SDK1: variants seen among roughly 807,000 people sequenced by gnomAD.
SDK1 encodes the protein protein sidekick-1.
SDK1 carries 157 observed loss-of-function variants against 245.5 expected under a neutral mutation model. That is an observed-to-expected ratio of 0.64 (90% CI 0.56 to 0.73). SDK1 has a LOEUF of 0.73. Ranked by LOEUF, SDK1 falls within the 30% of genes least tolerant of loss-of-function variation. The probability of loss-of-function intolerance (pLI) is 0.00; values close to 1 mark genes in which losing one functional copy is unlikely to be tolerated. For missense variants in SDK1, 3,583 were observed against 3,002.3 expected (o/e 1.19, Z -4.52); for synonymous variants, 1,647 against 1,278.5 (o/e 1.29, Z -6.15).
At chr7:3,325,165 T>A (rs1247512221) in intron 1 of SDK1, among the ~76,000 whole-genome samples, 1 of 152,120 alleles carries the variant, frequency 6.6e-6, no homozygotes, top group Admixed American at 6.6e-5. Context: ...AAAACACAGA[T>A]TCTGATGTGG....
intron 4 of SDK1, among the ~76,000 whole-genome samples, chr7:3,712,322 A>T (rs1785073020): frequency 6.6e-6 from 1 of 152,140 alleles, no homozygotes; most frequent in Non-Finnish European, 1.5e-5. Context: ...TACTTATGAG[A>T]ATCTAATGCC....
chr7:3,446,983 G>T (rs1234988051), intron 1 of SDK1, among the ~76,000 whole-genome samples: 1 of 152,114 alleles, frequency 6.6e-6, no homozygotes, highest in Non-Finnish European at 1.5e-5. Flanking sequence ...CTGGAGATAC[G>T]ATGAAGCAAT....
intron 5 of SDK1, among the ~76,000 whole-genome samples, chr7:3,823,325 A>C (rs1034679896): frequency 6.6e-6 from 1 of 152,218 alleles, no homozygotes; most frequent in Non-Finnish European, 1.5e-5. Context: ...ACTCAATTGT[A>C]ATATAACTAC....
At chr7:3,586,461 G>A (rs1333377780) in intron 1 of SDK1, among the ~76,000 whole-genome samples, 1 of 151,928 alleles carries the variant, frequency 6.6e-6, no homozygotes, top group Non-Finnish European at 1.5e-5. Flanking sequence ...ACTTTGGGAG[G>A]CCGAGGTGGG....
At chr7:3,625,017 C>T (rs991512320) in intron 2 of SDK1, among the ~76,000 whole-genome samples, 2 of 152,044 alleles carry the variant, frequency 1.3e-5, no homozygotes, top group Admixed American at 6.6e-5. Flanking sequence ...CCAGCCTGGG[C>T]AACAAGAGCA....
intron 1 of SDK1, among the ~76,000 whole-genome samples, chr7:3,587,570 A>G (rs1780731530): frequency 6.6e-6 from 1 of 152,162 alleles, no homozygotes; most frequent in Non-Finnish European, 1.5e-5. Context: ...GGCAGTGTGA[A>G]TCCAACTTTC....
chr7:3,348,508 T>C (rs550067789), intron 1 of SDK1, among the ~76,000 whole-genome samples: 1 of 152,130 alleles, frequency 6.6e-6, no homozygotes, highest in East Asian at 1.9e-4. Flanking sequence ...CGAGTGCATA[T>C]GGACATAAAG....
intron 1 of SDK1, among the ~76,000 whole-genome samples, chr7:3,483,348 T>C (rs1406458672): frequency 6.6e-6 from 1 of 152,176 alleles, no homozygotes; most frequent in South Asian, 2.1e-4. Context: ...TTTCCATTTA[T>C]GTTGCTCTTT....
chr7:3,562,893 C>CAAATACTTAAATATGAAGAGAAGG (rs1193491387), intron 1 of SDK1, among the ~76,000 whole-genome samples: 2 of 152,312 alleles, frequency 1.3e-5, no homozygotes, highest in African/African-American at 2.4e-5. Context: ...TGAAGGGAAG[C>CAAATACTTAAATATGAAGAGAAGG]AAATACACGG....
At chr7:3,410,116 G>A (rs1370696629) in intron 1 of SDK1, among the ~76,000 whole-genome samples, 1 of 152,114 alleles carries the variant, frequency 6.6e-6, no homozygotes, top group African/African-American at 2.4e-5. Flanking sequence ...ATACTTAAGT[G>A]TTATCATAAT....
At chr7:3,340,472 A>T (rs961649794) in intron 1 of SDK1, among the ~76,000 whole-genome samples, 6 of 152,102 alleles carry the variant, frequency 3.9e-5, no homozygotes, top group Non-Finnish European at 7.4e-5. Context: ...AAGTAAAATT[A>T]AAAAAATTGG....
At chr7:3,344,506 T>C (rs79028983) in intron 1 of SDK1, among the ~76,000 whole-genome samples, 2,364 of 152,300 alleles carry the variant, frequency 0.016, 54 homozygotes, top group African/African-American at 0.048. Context: ...CTTATGTTGA[T>C]ATGGAAGCTT....
chr7:4,057,695 A>G (rs1779285236), intron 19 of SDK1, among the ~76,000 whole-genome samples: 1 of 152,188 alleles, frequency 6.6e-6, no homozygotes. Context: ...CTGGGGCCCA[A>G]GGATTGGCCC....
At chr7:3,929,886 C>G (rs1423744736) in intron 5 of SDK1, among the ~76,000 whole-genome samples, 3 of 152,196 alleles carry the variant, frequency 2.0e-5, no homozygotes, top group African/African-American at 7.2e-5. Context: ...CAGCATTGCT[C>G]AGCTTCTCTT....
chr7:3,382,120 AT>A (rs932920986), intron 1 of SDK1, among the ~76,000 whole-genome samples: 2 of 151,316 alleles, frequency 1.3e-5, no homozygotes, highest in Non-Finnish European at 2.9e-5. Context: ...TTTATTTTTT[AT>A]TTTTTTTCAA....
At chr7:3,539,004 A>C (rs762351452) in intron 1 of SDK1, among the ~76,000 whole-genome samples, 1 of 152,138 alleles carries the variant, frequency 6.6e-6, no homozygotes, top group Non-Finnish European at 1.5e-5. Flanking sequence ...GCAGTCACTA[A>C]CTAGTGTGGC....
chr7:3,996,784 A>C (rs2128142847), intron 14 of SDK1, among the ~76,000 whole-genome samples: 1 of 152,302 alleles, frequency 6.6e-6, no homozygotes, highest in Admixed American at 6.5e-5. Flanking sequence ...ATCTTTTCCA[A>C]ATAATACAAA....
chr7:3,617,962 G>A (rs1273785446), intron 1 of SDK1, among the ~76,000 whole-genome samples: 1 of 152,158 alleles, frequency 6.6e-6, no homozygotes, highest in Non-Finnish European at 1.5e-5. Context: ...AGCAGAGAGG[G>A]GAGGAGGCCT....
intron 4 of SDK1, among the ~76,000 whole-genome samples, chr7:3,820,853 A>G (rs1298929274): frequency 6.6e-6 from 1 of 152,218 alleles, no homozygotes; most frequent in East Asian, 1.9e-4. Context: ...CTGTTTACTC[A>G]TCCTTTGCAC....
Sources: gnomAD v4.1 joint callset for allele counts (sites outside exome capture counted in the v4.1 genomes callset) on GRCh38, gnomAD v4.1.1 for gene constraint, MANE v1.5 for transcripts, NCBI Gene and HGNC (gene_info 2026-07-23, HGNC 2026-07-21) for gene names.